MMP26: variants seen among roughly 807,000 people sequenced by gnomAD.
MMP26 encodes matrix metallopeptidase 26.
A neutral mutation model predicts 31.0 loss-of-function variants in MMP26; 33 were observed. The ratio of observed to expected loss-of-function variants is 1.06; its 90% CI spans 0.81 to 1.42. The LOEUF (loss-of-function observed/expected upper bound fraction) is 1.42, where lower values mean the gene tolerates loss of function less well. MMP26 is among the 40% of genes most tolerant of loss of function. MMP26 has a pLI of 0.00. For synonymous variants in MMP26, 122 were observed against 114.9 expected, an observed-to-expected ratio of 1.06 and a Z score of -0.40; for missense variants, 347 against 316.1, an observed-to-expected ratio of 1.10 and a Z score of -0.74.
intron 2 of MMP26, among the ~76,000 whole-genome samples, chr11:4,967,634 G>C (rs1343053869): frequency 6.6e-6 from 1 of 152,102 alleles, no homozygotes; most frequent in South Asian, 2.1e-4. Context: ...TTAAGCTTTG[G>C]CTTCATAAAG....
At chr11:4,890,622 A>C (rs1387561874) in intron 2 of MMP26, 2 of 152,152 alleles carry the variant, frequency 1.3e-5, no homozygotes, top group African/African-American at 2.4e-5. Flanking sequence ...AAGTATTCTC[A>C]GGTCTGAAAT....
At chr11:4,816,964 C>G (rs180870351) in intron 2 of MMP26, among the ~76,000 whole-genome samples, 2 of 151,656 alleles carry the variant, frequency 1.3e-5, no homozygotes, top group South Asian at 2.1e-4. Context: ...CCCGCCTCGG[C>G]CTCCCAAAGT....
intron 2 of MMP26, among the ~76,000 whole-genome samples, chr11:4,861,267 A>ACATATACATG (rs1344319666): frequency 2.7e-5 from 4 of 150,408 alleles, no homozygotes; most frequent in African/African-American, 9.8e-5. Context: ...ACATATAGAT[A>ACATATACATG]CATATACATG....
At chr11:4,991,097 T>G (rs1029342038) in intron 5 of MMP26, among the ~76,000 whole-genome samples, 1 of 152,216 alleles carries the variant, frequency 6.6e-6, no homozygotes, top group Admixed American at 6.5e-5. Flanking sequence ...TCCCCTACCA[T>G]TTTGAAAAGA....
At chr11:4,708,688 G>A (rs553555982) in intron 1 of MMP26, among the ~76,000 whole-genome samples, 3 of 152,278 alleles carry the variant, frequency 2.0e-5, no homozygotes, top group South Asian at 4.2e-4. Context: ...ACAGATTTAT[G>A]GATCTGGGTG....
intron 2 of MMP26, among the ~76,000 whole-genome samples, chr11:4,901,259 A>C (rs1255307967): frequency 1.4e-5 from 2 of 141,742 alleles, no homozygotes. Flanking sequence ...CCCGGGGTTC[A>C]TGCCATTCTC....
At chr11:4,818,290 T>C (rs1849447856) in intron 2 of MMP26, among the ~76,000 whole-genome samples, 1 of 152,222 alleles carries the variant, frequency 6.6e-6, no homozygotes, top group African/African-American at 2.4e-5. Flanking sequence ...TACCATTTCT[T>C]CTATGCTAGA....
At chr11:4,946,547 T>A in intron 2 of MMP26, 2 of 1,598,928 alleles carry the variant, frequency 1.3e-6, no homozygotes, top group South Asian at 1.1e-5. Flanking sequence ...CTTCATGACA[T>A]CCTGGTGGAG....
At chr11:4,915,617 G>T in intron 2 of MMP26, 2 of 1,613,946 alleles carry the variant, frequency 1.2e-6, no homozygotes, top group Non-Finnish European at 1.7e-6. Flanking sequence ...CAGCAGGAAG[G>T]TAGCAGAAAC....
intron 4 of MMP26, 145 bp from the exon 5 acceptor site, chr11:4,990,453 G>C (rs1383309956): frequency 3.0e-6 from 2 of 657,892 alleles, no homozygotes; most frequent in East Asian, 5.7e-5. Flanking sequence ...GATTTAATTA[G>C]TCTGAAATTA....
At chr11:4,932,236 G>C (rs1851360256) in intron 2 of MMP26, among the ~76,000 whole-genome samples, 1 of 152,086 alleles carries the variant, frequency 6.6e-6, no homozygotes, top group Non-Finnish European at 1.5e-5. Flanking sequence ...ATTCTGGTCT[G>C]TGTTGTATAA....
At chr11:4,800,765 T>C (rs1849169438) in intron 2 of MMP26, among the ~76,000 whole-genome samples, 1 of 151,224 alleles carries the variant, frequency 6.6e-6, no homozygotes, top group South Asian at 2.1e-4. Context: ...TATTTGCTCC[T>C]ATATCTGATT....
chr11:4,897,664 T>G (rs988692489), intron 2 of MMP26, among the ~76,000 whole-genome samples: 1 of 151,864 alleles, frequency 6.6e-6, no homozygotes. Flanking sequence ...TACTTGTTTG[T>G]ATTTTTTTTT....
chr11:4,804,212 T>C (rs756315746), intron 2 of MMP26: 2 of 1,613,758 alleles, frequency 1.2e-6, no homozygotes, highest in South Asian at 2.2e-5. Context: ...TCATGCAGGG[T>C]GTGGTCAATT....
chr11:4,860,213 C>G (rs1428010523), intron 2 of MMP26: 1 of 471,062 alleles, frequency 2.1e-6, no homozygotes, highest in East Asian at 6.9e-5. Flanking sequence ...GCCATGGACA[C>G]TAGGACTCCT....
At chr11:4,788,447 G>T (rs954601268) in intron 2 of MMP26, among the ~76,000 whole-genome samples, 1 of 152,008 alleles carries the variant, frequency 6.6e-6, no homozygotes, top group African/African-American at 2.4e-5. Flanking sequence ...TGGCTTCTAA[G>T]AAGCAAAAGC....
At chr11:4,960,578 C>T (rs1376803047) in intron 2 of MMP26, among the ~76,000 whole-genome samples, 1 of 148,852 alleles carries the variant, frequency 6.7e-6, no homozygotes, top group Non-Finnish European at 1.5e-5. Context: ...CATACTATTG[C>T]TTCAGAGGGT....
chr11:4,864,151 C>T (rs555074197), intron 2 of MMP26, among the ~76,000 whole-genome samples: 10 of 152,190 alleles, frequency 6.6e-5, no homozygotes, highest in Non-Finnish European at 1.5e-5. Context: ...TGGACTCCGC[C>T]CATCAGGAAC....
intron 2 of MMP26, among the ~76,000 whole-genome samples, chr11:4,947,374 C>T (rs1462740441): frequency 1.6e-5 from 2 of 124,950 alleles, no homozygotes; most frequent in Admixed American, 8.9e-5. Context: ...TATTTAGTTA[C>T]GCATCTGATT....
Sources: allele counts gnomAD v4.1 joint callset (sites outside exome capture counted in the v4.1 genomes callset), GRCh38; gene constraint gnomAD v4.1.1; transcripts MANE v1.5; gene names NCBI Gene and HGNC (gene_info 2026-07-23, HGNC 2026-07-21).